FTO: variants seen among roughly 807,000 people sequenced by gnomAD.
FTO encodes the protein FTO alpha-ketoglutarate dependent dioxygenase.
In FTO, 47 loss-of-function variants were observed where a neutral mutation model predicts 63.9. The ratio of observed to expected loss-of-function variants is 0.74; its 90% CI spans 0.58 to 0.94. The LOEUF is 0.94. Among genes scored for constraint, FTO ranks in the 40% least tolerant of loss-of-function variants. The pLI, the probability that FTO is intolerant of heterozygous loss-of-function variation, is 0.00. For missense variants in FTO, 562 were observed against 618.1 expected (o/e 0.91, Z 0.96); for synonymous variants, 207 against 224.4 (o/e 0.92, Z 0.69).
intron 1 of FTO, among the ~76,000 whole-genome samples, chr16:53,765,880 G>A (rs988127734): frequency 5.9e-5 from 9 of 152,280 alleles, no homozygotes; most frequent in African/African-American, 1.7e-4. Context: ...GGTAGATTTC[G>A]ATTTTATTCC....
At chr16:53,820,341 C>T (rs1017311965) in intron 2 of FTO, among the ~76,000 whole-genome samples, 2 of 151,882 alleles carry the variant, frequency 1.3e-5, no homozygotes, top group African/African-American at 4.8e-5. Flanking sequence ...AGCTTGTGAT[C>T]TTACAGGACA....
intron 8 of FTO, among the ~76,000 whole-genome samples, chr16:53,970,173 G>A (rs1292998323): frequency 1.3e-5 from 2 of 152,136 alleles, no homozygotes; most frequent in African/African-American, 4.8e-5. Flanking sequence ...AGTTTAATAG[G>A]CAATGATTCC....
At chr16:54,083,898 G>T (rs1296625343) in intron 8 of FTO, among the ~76,000 whole-genome samples, 1 of 152,154 alleles carries the variant, frequency 6.6e-6, no homozygotes, top group Non-Finnish European at 1.5e-5. Context: ...TTGGAGCCTG[G>T]CAGGCCTGGA....
chr16:54,048,126 T>TA lies in FTO; in HGVS notation c.1365-63620dup, dbSNP rs71380060. 5.6e-3 allele frequency among the ~76,000 whole-genome samples: 314 copies of TA among 56,422 alleles called. 18 individuals carry two copies. Among genetic ancestry groups the TA allele is most frequent in the African/African-American group, 0.029 (269 of 9,136 alleles). The allele number at this position is 56,422 out of a possible 152,430, so 37.0% of individuals were successfully genotyped here. On this transcript the variant is annotated intron_variant, in intron 8 of 8. Coordinates refer to ENST00000471389, the MANE Select transcript of FTO (RefSeq NM_001080432.3). ...TTAGAGTATAATAAAAAAAAAAAAT[T>TA]AAAAAAAAAAAAAAAAGAATTTCCC... is the stretch of plus-strand genomic sequence containing the variant.
intron 3 of FTO, among the ~76,000 whole-genome samples, chr16:53,841,157 A>G (rs1884379272): frequency 6.6e-6 from 1 of 150,886 alleles, no homozygotes; most frequent in South Asian, 2.1e-4. Context: ...GACATCAGTA[A>G]TTGATCATAA....
At chr16:53,830,198 A>G (rs1292057888) in intron 3 of FTO, among the ~76,000 whole-genome samples, 4 of 152,234 alleles carry the variant, frequency 2.6e-5, no homozygotes, top group African/African-American at 9.6e-5. Flanking sequence ...TGGCTTTCAC[A>G]TGCCGTTCTA....
At chr16:53,803,758 G>A (rs966672233) in intron 1 of FTO, among the ~76,000 whole-genome samples, 6 of 152,010 alleles carry the variant, frequency 3.9e-5, no homozygotes, top group Non-Finnish European at 5.9e-5. Context: ...TTCTTTATAT[G>A]TTCTAAAATT....
rs572812765 is a variant in FTO, at chr16:54,049,790, G to A, written c.1365-61972G>A. Among the ~76,000 whole-genome samples, 27 of 152,314 alleles carry A rather than the reference G, an allele frequency of 1.8e-4. No homozygotes were observed. In the South Asian group the frequency reaches 5.6e-3, roughly 32 times the overall value. ...GCCACTCTGAGATGCCCATTCATGGGCTCTTTTCCCAGGATTTGGCCGTGG... is the reference window on the plus strand; with the variant it reads ...GCCACTCTGAGATGCCCATTCATGGACTCTTTTCCCAGGATTTGGCCGTGG... On this transcript the variant is annotated intron_variant, in intron 8 of 8. Transcript: ENST00000471389.
intron 1 of FTO, among the ~76,000 whole-genome samples, chr16:53,808,935 CCTGT>C (rs2078441738): frequency 6.6e-6 from 1 of 152,118 alleles, no homozygotes; most frequent in South Asian, 2.1e-4. Flanking sequence ...GTTGTATGTA[CCTGT>C]CTATGTGTAT....
At chr16:53,967,959 A>C (rs751490594) in intron 8 of FTO, among the ~76,000 whole-genome samples, 101 of 152,324 alleles carry the variant, frequency 6.6e-4, no homozygotes, top group Non-Finnish European at 9.4e-4. Flanking sequence ...TCTTGAGAAA[A>C]CATCACAAAA....
intron 8 of FTO, among the ~76,000 whole-genome samples, chr16:54,017,474 A>AGAAT (rs1345498883): frequency 6.6e-6 from 1 of 152,224 alleles, no homozygotes; most frequent in Non-Finnish European, 1.5e-5. Context: ...TTTATTTAAA[A>AGAAT]GAATGCAGTG....
intron 1 of FTO, among the ~76,000 whole-genome samples, chr16:53,737,700 G>C (rs181734675): frequency 1.3e-5 from 2 of 152,194 alleles, no homozygotes; most frequent in East Asian, 3.9e-4. Context: ...TGCCTGTATA[G>C]TGCCCTCTTG....
intron 4 of FTO, among the ~76,000 whole-genome samples, chr16:53,862,600 A>G (rs1315643924): frequency 7.2e-6 from 1 of 139,750 alleles, no homozygotes; most frequent in Non-Finnish European, 1.5e-5. Context: ...CATTGGTGTG[A>G]TCTCGGCTCA....
intron 8 of FTO, chr16:54,072,201 T>A (rs1031436709): frequency 6.6e-6 from 1 of 152,220 alleles, no homozygotes; most frequent in African/African-American, 2.4e-5. Flanking sequence ...TATCAATAGA[T>A]TGAAGACATC....
At chr16:53,997,567 G>A (rs1259241252) in intron 8 of FTO, among the ~76,000 whole-genome samples, 1 of 151,716 alleles carries the variant, frequency 6.6e-6, no homozygotes, top group Non-Finnish European at 1.5e-5. Flanking sequence ...AGGAAAGAAG[G>A]GGCGGGGCGG....
intron 8 of FTO, among the ~76,000 whole-genome samples, chr16:54,066,441 A>G (rs2085734408): frequency 6.6e-6 from 1 of 152,256 alleles, no homozygotes; most frequent in Admixed American, 6.5e-5. Context: ...GCTACTCTGA[A>G]GTCTCTATAT....
chr16:54,082,620 A>G (rs1413141999), intron 8 of FTO, among the ~76,000 whole-genome samples: 1 of 152,226 alleles, frequency 6.6e-6, no homozygotes, highest in Non-Finnish European at 1.5e-5. Flanking sequence ...CCTAGATGGT[A>G]GAATTGCAGT....
intron 7 of FTO, among the ~76,000 whole-genome samples, chr16:53,903,616 A>G (rs538797052): frequency 7.9e-5 from 12 of 152,284 alleles, no homozygotes; most frequent in African/African-American, 2.4e-4. Context: ...GGATAACACT[A>G]TGTCTTAGAG....
At chr16:54,053,768 C>T (rs1255616808) in intron 8 of FTO, among the ~76,000 whole-genome samples, 1 of 152,188 alleles carries the variant, frequency 6.6e-6, no homozygotes, top group African/African-American at 2.4e-5. Flanking sequence ...GCCCAAACCC[C>T]TGCCTTCGAG....
Sources: allele counts gnomAD v4.1 joint callset (sites outside exome capture counted in the v4.1 genomes callset), GRCh38; gene constraint gnomAD v4.1.1; transcripts MANE v1.5; gene names NCBI Gene and HGNC (gene_info 2026-07-23, HGNC 2026-07-21).